Variants in DMXL2 observed in about 807,000 individuals in gnomAD.
The protein encoded by DMXL2 is dmX-like protein 2.
DMXL2 carries 103 observed loss-of-function variants against 331.1 expected under a neutral mutation model. That is an observed-to-expected ratio of 0.31 (90% CI 0.27 to 0.37). The LOEUF (loss-of-function observed/expected upper bound fraction) is 0.37. Among genes scored for constraint, DMXL2 ranks in the 10% least tolerant of loss-of-function variants. The probability of loss-of-function intolerance (pLI) is 1.00; values close to 1 mark genes in which losing one functional copy is unlikely to be tolerated. For missense variants in DMXL2, 3,171 were observed against 3,642.9 expected (o/e 0.87, Z 3.33); for synonymous variants, 1,281 against 1,252.1 (o/e 1.02, Z -0.49).
At chr15:51,610,655 C>A (rs1595748718) in intron 1 of DMXL2, among the ~76,000 whole-genome samples, 2 of 151,828 alleles carry the variant, frequency 1.3e-5, no homozygotes, top group Non-Finnish European at 2.9e-5. Context: ...GTAGTCCCAG[C>A]TACTTGGGAG....
At chr15:51,541,964 T>C (rs2048621738) in intron 9 of DMXL2, among the ~76,000 whole-genome samples, 1 of 152,082 alleles carries the variant, frequency 6.6e-6, no homozygotes, top group Non-Finnish European at 1.5e-5. Flanking sequence ...TAAAAATATA[T>C]TTAGAGGAGG....
chr15:51,451,532 T>G, intron 42 of DMXL2, 113 bp downstream of exon 42: 3 of 808,404 alleles, frequency 3.7e-6, no homozygotes, highest in South Asian at 3.9e-5. Flanking sequence ...TTCTCCATTT[T>G]CAACCTGTCA....
chr15:51,532,987 C>T (rs1056171189), intron 13 of DMXL2, among the ~76,000 whole-genome samples: 3 of 152,106 alleles, frequency 2.0e-5, no homozygotes, highest in African/African-American at 7.2e-5. Context: ...GATAAACATA[C>T]AAAATTCAAT....
intron 36 of DMXL2, among the ~76,000 whole-genome samples, chr15:51,458,244 T>C (rs1474801282): frequency 6.6e-6 from 1 of 152,228 alleles, no homozygotes; most frequent in Non-Finnish European, 1.5e-5. Context: ...CAGATCAGAT[T>C]AATTTACTGA....
intron 8 of DMXL2, among the ~76,000 whole-genome samples, chr15:51,544,740 A>G (rs1185961150): frequency 2.0e-5 from 3 of 152,302 alleles, no homozygotes; most frequent in Admixed American, 6.5e-5. Context: ...AAAACTTATA[A>G]AGTATTACTG....
chr15:51,499,830 C>A lies in DMXL2; in HGVS notation c.3394G>T (p.Gly1132Trp), dbSNP rs1171869056. 6.2e-7 allele frequency: 1 copy of A among 1,614,164 alleles called. No individual in the cohort carries two copies. The highest frequency in any genetic ancestry group is 1.7e-5 in the Admixed American group (1 of 60,026). ...CTGACCCTTGAATCAAGTACACTCCCAACCTTAACCAAATCATCAAGATGA... is the reference window on the plus strand; with the variant it reads ...CTGACCCTTGAATCAAGTACACTCCAAACCTTAACCAAATCATCAAGATGA... The part of the protein sequence containing the change: ...TIHLDDLVKV[G>W]SVLDSRVSVD... Residue 1132 changes from glycine to tryptophan, a missense_variant, in exon 18 of 44, where the codon GGG becomes TGG. This residue lies in a region of DMXL2 where 1,674 missense variants were observed against 1,780.2 expected (regional missense o/e 0.94). Transcript: ENST00000560891.
chr15:51,615,748 T>C (rs1278518255), intron 1 of DMXL2, among the ~76,000 whole-genome samples: 1 of 152,170 alleles, frequency 6.6e-6, no homozygotes, highest in Non-Finnish European at 1.5e-5. Flanking sequence ...TCCTCTTAAG[T>C]GTGGATGCAG....
chr15:51,513,737 T>C (rs572847449), intron 15 of DMXL2, among the ~76,000 whole-genome samples: 5 of 152,174 alleles, frequency 3.3e-5, no homozygotes, highest in Admixed American at 1.3e-4. Flanking sequence ...ATATTCGCCA[T>C]AGACACTTAA....
intron 1 of DMXL2, among the ~76,000 whole-genome samples, chr15:51,586,915 C>T (rs146606231): frequency 7.3e-5 from 11 of 150,620 alleles, no homozygotes; most frequent in African/African-American, 2.2e-4. Context: ...TATGTCAGTG[C>T]TTTTAATAAC....
chr15:51,511,927 A>G (rs2046780134), intron 15 of DMXL2, among the ~76,000 whole-genome samples: 1 of 152,156 alleles, frequency 6.6e-6, no homozygotes, highest in Non-Finnish European at 1.5e-5. Context: ...ATTTTCAGCA[A>G]ACTAACACAG....
chr15:51,486,402 C>T, intron 22 of DMXL2, 65 bp from the exon 23 acceptor site: 1 of 1,201,240 alleles, frequency 8.3e-7, no homozygotes, highest in Admixed American at 2.1e-5. Flanking sequence ...TGAAATATCC[C>T]ATCAATACCC....
chr15:51,563,654 A>C (rs936989931), intron 5 of DMXL2, among the ~76,000 whole-genome samples: 4 of 152,164 alleles, frequency 2.6e-5, no homozygotes, highest in African/African-American at 9.6e-5. Flanking sequence ...TGGGAAAAGA[A>C]GAATGTAAGT....
rs768003104 is a variant in DMXL2 at position 51,456,058 on chromosome 15, A to G, written c.8526+8T>C. On this transcript the variant is annotated splice_region_variant and intron_variant, in intron 39 of 43. Coordinates refer to ENST00000560891, the MANE Select transcript of DMXL2 (RefSeq NM_001378457.1). ...AGATGAATTCAGCAGTAGCCCCCAG[A>G]AACTAACCTTGTTGCCTTGTGAATT... 1.2e-6 allele frequency: 2 copies of G among 1,613,856 alleles called. No homozygotes were observed. The highest frequency in any genetic ancestry group is 1.1e-5 in the South Asian group (1 of 91,054).
intron 6 of DMXL2, among the ~76,000 whole-genome samples, chr15:51,555,307 TGGTAAAGAA>T (rs2049490464): frequency 6.6e-6 from 1 of 151,614 alleles, no homozygotes; most frequent in African/African-American, 2.4e-5. Context: ...AGAGTGGAGG[TGGTAAAGAA>T]GTAAGCAGAT....
At position 51,532,439 on chromosome 15, in the gene DMXL2, T is replaced by A. The variant is rs995396473; in HGVS notation, c.2436+3224A>T. 6.6e-5 allele frequency among the ~76,000 whole-genome samples: 10 copies of A among 152,082 alleles called. 1 individual carries two copies. The highest frequency in any genetic ancestry group is 5.9e-4 in the Admixed American group (9 of 15,268). On this transcript the variant is annotated intron_variant, in intron 13 of 43. Transcript: ENST00000560891. The stretch of plus-strand genomic sequence containing the variant: ...ATGGTTAATGTGTACAAAAAAATAG[T>A]TAGAATTAATAAGACCTAGTATTTG...
At chr15:51,582,106 C>T (rs2051467768) in intron 1 of DMXL2, among the ~76,000 whole-genome samples, 1 of 152,020 alleles carries the variant, frequency 6.6e-6, no homozygotes, top group Non-Finnish European at 1.5e-5. Flanking sequence ...GAAGGAGGTA[C>T]CATTTATTAA....
intron 28 of DMXL2, 134 bp from the exon 29 acceptor site, chr15:51,471,535 C>G: frequency 2.6e-6 from 2 of 761,620 alleles, no homozygotes; most frequent in Non-Finnish European, 4.0e-6. Context: ...TGCTTCTAAA[C>G]TTTTCTAGTT....
At chr15:51,548,789 T>A (rs902692449) in intron 6 of DMXL2, among the ~76,000 whole-genome samples, 4 of 152,032 alleles carry the variant, frequency 2.6e-5, no homozygotes, top group African/African-American at 2.4e-5. Context: ...TCCCAAATAT[T>A]TGAAAACTAA....
In DMXL2 at chr15:51,591,400, T is replaced by C. The variant is rs570904157; in HGVS notation, c.88-15219A>G. On this transcript the variant is annotated intron_variant, in intron 1 of 43. Transcript: ENST00000560891. Reference sequence around the variant, plus strand: ...CGGCTGGGGGAGGGGCGCCCACCATTGCCCAGCCTTGAGTAGGTAAACAAA... The same window carrying C: ...CGGCTGGGGGAGGGGCGCCCACCATCGCCCAGCCTTGAGTAGGTAAACAAA... Among the ~76,000 whole-genome samples the C allele has an allele frequency of 5.3e-5, 8 of 152,270 alleles. No homozygotes were observed. The East Asian group carries it at 1.2e-3, about 22-fold the overall frequency.
Sources: allele counts gnomAD v4.1 joint callset (sites outside exome capture counted in the v4.1 genomes callset), GRCh38; gene constraint gnomAD v4.1.1; regional missense constraint gnomAD v4.1.1; transcripts MANE v1.5; gene names NCBI Gene and HGNC (gene_info 2026-07-23, HGNC 2026-07-21).